The following LURAP1 variants were observed in gnomAD, a reference collection of about 807,000 sequenced individuals.
LURAP1 encodes the protein NF-kappa-B activator C1orf190.
In LURAP1, 14 loss-of-function variants were observed where a neutral mutation model predicts 19.0. The ratio of observed to expected loss-of-function variants is 0.74; its 90% CI spans 0.49 to 1.15. The LOEUF (loss-of-function observed/expected upper bound fraction) is 1.15. Ranked by LOEUF, LURAP1 falls within the 50% of genes most tolerant of loss-of-function variation. The pLI, the probability that LURAP1 is intolerant of heterozygous loss-of-function variation, is 0.00. For missense variants in LURAP1, 273 were observed against 309.1 expected, an observed-to-expected ratio of 0.88 and a Z score of 0.87; for synonymous variants, 129 against 131.8, an observed-to-expected ratio of 0.98 and a Z score of 0.14.
chr1:46,218,496 C>T (rs1659132366), intron 1 of LURAP1, among the ~76,000 whole-genome samples: 1 of 152,202 alleles, frequency 6.6e-6, no homozygotes, highest in Non-Finnish European at 1.5e-5. Flanking sequence ...TAGAGATGGG[C>T]GAGAGCCACA....
At chr1:46,215,150 C>T (rs907874707) in intron 1 of LURAP1, among the ~76,000 whole-genome samples, 21 of 148,130 alleles carry the variant, frequency 1.4e-4, no homozygotes, top group Non-Finnish European at 2.7e-4. Context: ...GGCGTGAACC[C>T]GGGAGGTGGA....
At chr1:46,204,338 C>T (rs1448936300) in intron 1 of LURAP1, among the ~76,000 whole-genome samples, 1 of 152,198 alleles carries the variant, frequency 6.6e-6, no homozygotes, top group South Asian at 2.1e-4. Context: ...CCTCCCCTTT[C>T]TCTATTGCTG....
chr1:46,204,393 G>T (rs564163708), intron 1 of LURAP1, among the ~76,000 whole-genome samples: 4 of 152,312 alleles, frequency 2.6e-5, no homozygotes, highest in Admixed American at 6.5e-5. Context: ...GCCCTGGCAG[G>T]TTCCCCAGGG....
intron 1 of LURAP1, among the ~76,000 whole-genome samples, chr1:46,216,975 A>G (rs1017628160): frequency 6.6e-6 from 1 of 152,202 alleles, no homozygotes; most frequent in Non-Finnish European, 1.5e-5. Flanking sequence ...TGATTTCATT[A>G]TATCTTATGG....
intron 1 of LURAP1, among the ~76,000 whole-genome samples, chr1:46,215,846 A>G (rs1400956423): frequency 6.6e-6 from 1 of 152,026 alleles, no homozygotes; most frequent in East Asian, 1.9e-4. Context: ...GTAGTCAACC[A>G]TGATTGTGCC....
rs567544680 is a variant in LURAP1 at position 46,206,272 on chromosome 1, AG to A, written c.198+2653del. ...CCTCAGTTTTTCCTCCTTTTGGTGG[AG>A]GGGGTAGAGGGAGATGGGGACTGTG... is the stretch of plus-strand genomic sequence containing the variant. On this transcript the variant is annotated intron_variant, in intron 1 of 1. Coordinates refer to ENST00000371980, the MANE Select transcript of LURAP1 (RefSeq NM_001013615.3). 4.9e-3 allele frequency among the ~76,000 whole-genome samples: 739 copies of A among 152,210 alleles called. 9 individuals are homozygous for A. Among genetic ancestry groups the A allele is most frequent in the Non-Finnish European group, 3.5e-3 (236 of 68,006 alleles).
chr1:46,204,988 TG>T (rs1658665793), intron 1 of LURAP1, among the ~76,000 whole-genome samples: 2 of 152,168 alleles, frequency 1.3e-5, no homozygotes, highest in African/African-American at 4.8e-5. Flanking sequence ...GTGGGCATGG[TG>T]GCTCACGCCT....
chr1:46,206,293 A>T (rs1265591128), intron 1 of LURAP1, among the ~76,000 whole-genome samples: 2 of 152,208 alleles, frequency 1.3e-5, no homozygotes, highest in African/African-American at 2.4e-5. Context: ...GGAGATGGGG[A>T]CTGTGAAACC....
chr1:46,203,343 C>G lies in LURAP1; in HGVS notation c.-84C>G. 7.6e-7 allele frequency: 1 copy of G among 1,315,430 alleles called. No homozygotes were observed. Among genetic ancestry groups the G allele is most frequent in the East Asian group, 2.9e-5 (1 of 34,996 alleles). 81.5% of individuals were successfully genotyped at this position (1,315,430 alleles called of 1,614,324 possible). A position where few individuals can be genotyped will look rare whatever the true frequency, so the allele number is the denominator to read the frequency against. On this transcript the variant is annotated 5_prime_UTR_variant, in exon 1 of 2. Transcript: ENST00000371980. The stretch of plus-strand genomic sequence containing the variant: ...CGGGCGGGGACCCACCGGTTTTGCT[C>G]CGCTTTAGCAGCGGCGAAGGGAGGA...
chr1:46,204,844 T>G (rs1256201056), intron 1 of LURAP1, among the ~76,000 whole-genome samples: 1 of 152,252 alleles, frequency 6.6e-6, no homozygotes, highest in Non-Finnish European at 1.5e-5. Flanking sequence ...CTATCTAGAC[T>G]GTCTACTTGC....
At chr1:46,216,132 C>T (rs1234365825) in intron 1 of LURAP1, among the ~76,000 whole-genome samples, 33 of 146,290 alleles carry the variant, frequency 2.3e-4, no homozygotes, top group African/African-American at 8.1e-4. Context: ...CTGCAGGCTC[C>T]GCCCCCCAGG....
intron 1 of LURAP1, among the ~76,000 whole-genome samples, chr1:46,218,634 G>A (rs570929396): frequency 8.5e-4 from 129 of 152,322 alleles, no homozygotes; most frequent in African/African-American, 2.9e-3. Context: ...TGCCTATAAA[G>A]GCTCTTGAGC....
At position 46,215,742 on chromosome 1, in the gene LURAP1, A is replaced by T. The variant is rs563353099; in HGVS notation, c.199-3957A>T. 3.9e-5 allele frequency among the ~76,000 whole-genome samples: 6 copies of T among 152,260 alleles called. No homozygotes were observed. In the East Asian group the frequency reaches 9.7e-4, roughly 25 times the overall value. ...AGTGAGACCCCATCTACAAAAAAAA[A>T]TTTAAAAATTAGCCAGGTGTAGGTA... On this transcript the variant is annotated intron_variant, in intron 1 of 1. Transcript: ENST00000371980.
chr1:46,210,941 ATTTT>A (rs34921411), intron 1 of LURAP1, among the ~76,000 whole-genome samples: 1 of 134,442 alleles, frequency 7.4e-6, no homozygotes, highest in African/African-American at 2.8e-5. Flanking sequence ...CACTCACCTA[ATTTT>A]TTTTTTTTTT....
chr1:46,203,346 C>T lies in LURAP1; in HGVS notation c.-81C>T, dbSNP rs558581752. 1.3e-5 allele frequency: 17 copies of T among 1,342,910 alleles called. No homozygotes were observed. In the East Asian group the frequency reaches 2.5e-4, roughly 20 times the overall value. 83.2% of individuals were successfully genotyped at this position (1,342,910 alleles called of 1,614,324 possible). A position where few individuals can be genotyped will look rare whatever the true frequency, so the allele number is the denominator to read the frequency against. ...GCGGGGACCCACCGGTTTTGCTCCG[C>T]TTTAGCAGCGGCGAAGGGAGGACCC... is the stretch of plus-strand genomic sequence containing the variant. On this transcript the variant is annotated 5_prime_UTR_variant, in exon 1 of 2. Coordinates refer to ENST00000371980, the MANE Select transcript of LURAP1 (RefSeq NM_001013615.3).
In LURAP1 at chr1:46,220,357, T is replaced by G. The variant is rs550760226; in HGVS notation, c.*137T>G. On this transcript the variant is annotated 3_prime_UTR_variant, in exon 2 of 2. Coordinates refer to ENST00000371980, the MANE Select transcript of LURAP1 (RefSeq NM_001013615.3). The stretch of plus-strand genomic sequence containing the variant: ...GTTACCATGGAAACCTGGCTCATCA[T>G]TTCTCTAGTCCCTAGGGAGTCTCTG... The G allele has an allele frequency of 2.8e-5, 25 of 894,030 alleles. No homozygotes were observed. In the African/African-American group the frequency reaches 4.2e-4, roughly 15 times the overall value. The allele number at this position is 894,030 out of a possible 1,614,324, so 55.4% of individuals were successfully genotyped here. A position where few individuals can be genotyped will look rare whatever the true frequency, so the allele number is the denominator to read the frequency against.
intron 1 of LURAP1, among the ~76,000 whole-genome samples, chr1:46,207,150 G>A (rs1295669139): frequency 4.0e-5 from 6 of 151,786 alleles, no homozygotes; most frequent in African/African-American, 9.7e-5. Context: ...GTACAATGTC[G>A]GTTCACTGCA....
In LURAP1 at chr1:46,220,040, G is replaced by T. The variant is rs771035933; in HGVS notation, c.540G>T (p.Arg180Ser). 1 of 1,614,248 alleles carries T rather than the reference G, an allele frequency of 6.2e-7. No homozygotes were observed. Among genetic ancestry groups the T allele is most frequent in the East Asian group, 2.2e-5 (1 of 44,886 alleles). Residue 180 changes from arginine to serine, a missense_variant, in exon 2 of 2, where the codon AGG becomes AGT. Physicochemically the swap from Arg to Ser is moderately radical, Grantham distance 110 (BLOSUM62 -1). Transcript: ENST00000371980. ...DWAKVIAGGE[R>S]ARTEVDVAAT... ...CAAAAGTTATAGCTGGTGGAGAGAG[G>T]GCCAGGACTGAGGTGGATGTGGCAG...
intron 1 of LURAP1, among the ~76,000 whole-genome samples, chr1:46,215,088 T>C (rs1206013754): frequency 6.6e-6 from 1 of 151,224 alleles, no homozygotes; most frequent in Non-Finnish European, 1.5e-5. Flanking sequence ...TAGCCGGGTG[T>C]GGTGGTGGGC....
Sources: gnomAD v4.1 joint callset for allele counts (sites outside exome capture counted in the v4.1 genomes callset) on GRCh38, gnomAD v4.1.1 for gene constraint, MANE v1.5 for transcripts, NCBI Gene and HGNC (gene_info 2026-07-23, HGNC 2026-07-21) for gene names.